The following GET3 variants were observed in gnomAD, a reference collection of about 807,000 sequenced individuals.
The protein encoded by GET3 is guided entry of tail-anchored proteins factor 3, ATPase, also known as ATPase GET3.
GET3 carries 15 observed loss-of-function variants against 32.4 expected under a neutral mutation model. The observed-to-expected ratio is 0.46, with a 90% CI of 0.31 to 0.71. GET3 has a LOEUF of 0.71. Ranked by LOEUF, GET3 falls within the 30% of genes least tolerant of loss-of-function variation. GET3 has a pLI of 0.05. For missense variants in GET3, 333 were observed against 459.0 expected (o/e 0.73, Z 2.51); for synonymous variants, 198 against 185.6 (o/e 1.07, Z -0.54).
rs8177492 is a variant in GET3 at position 12,747,155 on chromosome 19, C to A, written c.610-42C>A. ...TTAGTGAACCCCCAACCCAGGAGGT[C>A]GCCGCAGGTAAGCTATGAGCCCTCC... On this transcript the variant is annotated intron_variant, in intron 4 of 6. Transcript: ENST00000357332. The surrounding 1 kb of genome is among the most constrained non-coding windows in gnomAD (Gnocchi z 4.0). 10,395 of 1,524,330 alleles carry A rather than the reference C, an allele frequency of 6.8e-3. 627 individuals are homozygous for A. The African/African-American group carries it at 0.12, about 18-fold the overall frequency. The allele number at this position is 1,524,330 out of a possible 1,614,324, so 94.4% of individuals were successfully genotyped here.
chr19:12,745,909 G>A lies in GET3; in HGVS notation c.609+150G>A. 3 of 1,171,260 alleles carry A rather than the reference G, an allele frequency of 2.6e-6. No individual in the cohort carries two copies. Among genetic ancestry groups the A allele is most frequent in the Non-Finnish European group, 1.2e-6 (1 of 857,082 alleles). 72.6% of individuals were successfully genotyped at this position (1,171,260 alleles called of 1,614,324 possible). Reference sequence around the variant, plus strand: ...TTCTCCCTGGAGGGGATGGGACGGAGCTGTCTTTCCTCCCCCACAGGCAGG... The same window carrying A: ...TTCTCCCTGGAGGGGATGGGACGGAACTGTCTTTCCTCCCCCACAGGCAGG... On this transcript the variant is annotated intron_variant, in intron 4 of 6. Coordinates refer to ENST00000357332, the MANE Select transcript of GET3 (RefSeq NM_004317.4). The surrounding 1 kb of genome is among the most constrained non-coding windows in gnomAD (Gnocchi z 5.0).
intron 2 of GET3, among the ~76,000 whole-genome samples, chr19:12,743,634 C>CA (rs1967711684): frequency 6.8e-6 from 1 of 147,956 alleles, no homozygotes; most frequent in Non-Finnish European, 1.5e-5. Context: ...ACTAAAAATA[C>CA]AAAAAATTAG....
At position 12,745,678 on chromosome 19, in the gene GET3, G is replaced by A. The variant is rs1213733211; in HGVS notation, c.528G>A (p.Leu176=). The A allele has an allele frequency of 3.1e-6, 5 of 1,612,906 alleles. No homozygotes were observed. The highest frequency in any genetic ancestry group is 2.7e-5 in the African/African-American group (2 of 74,898). The change falls in exon 4 of 7, where the codon CTG becomes CTA. Residue 176 remains leucine, a synonymous_variant. Coordinates refer to ENST00000357332, the MANE Select transcript of GET3 (RefSeq NM_004317.4). This position sits in a 1 kb window ranked among gnomAD's most constrained non-coding sequence, Gnocchi z 5.0. ...CACCCACGGGCCACACCCTGAGGCT[G>A]CTCAACTTCCCCACCATCGTGGAGC... The part of the protein sequence containing the change: ...DTAPTGHTLR[L]LNFPTIVERG...
intron 2 of GET3, among the ~76,000 whole-genome samples, chr19:12,744,244 C>T (rs976499492): frequency 6.7e-6 from 1 of 150,304 alleles, no homozygotes; most frequent in African/African-American, 2.5e-5. Flanking sequence ...AAGAGGGAGG[C>T]ATTGAGTCTG....
intron 2 of GET3, among the ~76,000 whole-genome samples, chr19:12,744,415 G>T (rs1967732464): frequency 6.6e-6 from 1 of 150,984 alleles, no homozygotes; most frequent in South Asian, 2.1e-4. Flanking sequence ...TGCCTCCCGG[G>T]TTCAAGCGAT....
At chr19:12,743,589 C>T (rs1967710628) in intron 2 of GET3, among the ~76,000 whole-genome samples, 1 of 151,086 alleles carries the variant, frequency 6.6e-6, no homozygotes, top group African/African-American at 2.4e-5. Context: ...AGGAGATCGC[C>T]ACCATCCTGG....
chr19:12,738,482 C>T, intron 1 of GET3, 29 bp from the exon 2 acceptor site: 1 of 1,613,018 alleles, frequency 6.2e-7, no homozygotes, highest in Non-Finnish European at 8.5e-7. Context: ...TCCCCTCATC[C>T]CCTATCTTTT....
rs1456839399 is a variant in GET3, at chr19:12,745,627, C to T, written c.477C>T (p.Asn159=). The change falls in exon 4 of 7, where the codon AAC becomes AAT. Residue 159 remains asparagine, a synonymous_variant. Coordinates refer to ENST00000357332, the MANE Select transcript of GET3 (RefSeq NM_004317.4). This position sits in a 1 kb window ranked among gnomAD's most constrained non-coding sequence, Gnocchi z 5.0. ...CCCTCAGGCTGGTGAAGGGCATGAA[C>T]TTCTCGGTGGTGGTATTTGACACGG... ...AEVMRLVKGM[N]FSVVVFDTAP... 1 of 1,612,746 alleles carries T rather than the reference C, an allele frequency of 6.2e-7. No individual in the cohort carries two copies. The highest frequency in any genetic ancestry group is 8.5e-7 in the Non-Finnish European group (1 of 1,179,994).
intron 1 of GET3, among the ~76,000 whole-genome samples, 199 bp downstream of exon 1, chr19:12,737,865 G>C (rs1967602701): frequency 1.3e-5 from 2 of 152,202 alleles, no homozygotes; most frequent in South Asian, 2.1e-4. Context: ...GACCATCCGT[G>C]TTGGGGCTCA....
In GET3 at chr19:12,747,692, T is replaced by G; in HGVS notation, c.915+100T>G. On this transcript the variant is annotated intron_variant, in intron 6 of 6. Coordinates refer to ENST00000357332, the MANE Select transcript of GET3 (RefSeq NM_004317.4). This position sits in a 1 kb window ranked among gnomAD's most constrained non-coding sequence, Gnocchi z 4.0. ...TCTGGCCCTCTGCCCTCTAGCCTCC[T>G]GCCCTTTGCCCCCACATTTCAGATC... 3 of 1,385,600 alleles carry G rather than the reference T, an allele frequency of 2.2e-6. No individual in the cohort carries two copies. Among genetic ancestry groups the G allele is most frequent in the Non-Finnish European group, 2.9e-6 (3 of 1,022,210 alleles). 85.8% of individuals were successfully genotyped at this position (1,385,600 alleles called of 1,614,324 possible). A position where few individuals can be genotyped will look rare whatever the true frequency, so the allele number is the denominator to read the frequency against.
At chr19:12,737,437 T>G (rs950670542), upstream of GET3, 5 of 1,390,628 alleles carry the variant, frequency 3.6e-6, no homozygotes, top group Middle Eastern at 1.9e-4. Context: ...GCTAGGAATG[T>G]GATAGAGAAT....
At chr19:12,742,738 G>A (rs1276170365) in intron 2 of GET3, among the ~76,000 whole-genome samples, 2 of 152,050 alleles carry the variant, frequency 1.3e-5, no homozygotes, top group African/African-American at 2.4e-5. Context: ...GTAGAGACGG[G>A]GTTTCAACAT....
In GET3 at chr19:12,745,060, G is replaced by A. The variant is rs1967743065; in HGVS notation, c.310-317G>A. The stretch of plus-strand genomic sequence containing the variant: ...CATGGCCCAGTCATGGGAGTATCTG[G>A]GGTTGCAAGTGGCAGGTTGCAAGTG... On this transcript the variant is annotated intron_variant, in intron 2 of 6. Coordinates refer to ENST00000357332, the MANE Select transcript of GET3 (RefSeq NM_004317.4). This position sits in a 1 kb window ranked among gnomAD's most constrained non-coding sequence, Gnocchi z 5.0. 6.6e-6 allele frequency among the ~76,000 whole-genome samples: 1 copy of A among 152,074 alleles called. No individual in the cohort carries two copies. The highest frequency in any genetic ancestry group is 6.6e-5 in the Admixed American group (1 of 15,266).
intron 1 of GET3, 52 bp from the exon 2 acceptor site, chr19:12,738,459 G>T: frequency 6.2e-7 from 1 of 1,604,958 alleles, no homozygotes; most frequent in Admixed American, 1.7e-5. Context: ...GCAGACCCAG[G>T]GAACAGAGCC....
Position 12,747,680 on chromosome 19 carries a change from C to T in GET3, c.915+88C>T. ...TTTGCTCCACCATCTGGCCCTCTGCCCTCTAGCCTCCTGCCCTTTGCCCCC... is the reference window on the plus strand; with the variant it reads ...TTTGCTCCACCATCTGGCCCTCTGCTCTCTAGCCTCCTGCCCTTTGCCCCC... On this transcript the variant is annotated intron_variant, in intron 6 of 6. Coordinates refer to ENST00000357332, the MANE Select transcript of GET3 (RefSeq NM_004317.4). This position sits in a 1 kb window ranked among gnomAD's most constrained non-coding sequence, Gnocchi z 4.0. 2 of 1,433,560 alleles carry T rather than the reference C, an allele frequency of 1.4e-6. No individual in the cohort carries two copies. Among genetic ancestry groups the T allele is most frequent in the Non-Finnish European group, 1.9e-6 (2 of 1,058,204 alleles). The allele number at this position is 1,433,560 out of a possible 1,614,324, so 88.8% of individuals were successfully genotyped here. A position where few individuals can be genotyped will look rare whatever the true frequency, so the allele number is the denominator to read the frequency against.
intron 2 of GET3, among the ~76,000 whole-genome samples, chr19:12,743,271 A>G (rs950756654): frequency 1.2e-4 from 18 of 152,082 alleles, no homozygotes; most frequent in African/African-American, 4.1e-4. Context: ...TGAGGTTGGG[A>G]GTTGAAAACC....
chr19:12,740,761 T>A lies in GET3; in HGVS notation c.309+2103T>A, dbSNP rs576772309. On this transcript the variant is annotated intron_variant, in intron 2 of 6. Transcript: ENST00000357332. ...AGGACAGTCCTCAGGTGGGATGAGCTCCATCCAGCATACAGACCCAGAACT... is the reference window on the plus strand; with the variant it reads ...AGGACAGTCCTCAGGTGGGATGAGCACCATCCAGCATACAGACCCAGAACT... Among the ~76,000 whole-genome samples the A allele has an allele frequency of 2.0e-5, 3 of 152,232 alleles. 1 individual carries two copies. The highest frequency in any genetic ancestry group is 2.0e-4 in the Admixed American group (3 of 15,286).
Position 12,747,973 on chromosome 19 carries a change from A to G in GET3, c.916A>G (p.Met306Val). 1 of 1,595,038 alleles carries G rather than the reference A, an allele frequency of 6.3e-7. No individual in the cohort carries two copies. Among genetic ancestry groups the G allele is most frequent in the East Asian group, 2.2e-5 (1 of 44,476 alleles). Reference sequence around the variant, plus strand: ...CTTCTACCCTCTGCCCTGGCTGCAGATGGAGGACCTGTATGAAGACTTCCA... The same window carrying G: ...CTTCTACCCTCTGCCCTGGCTGCAGGTGGAGGACCTGTATGAAGACTTCCA... ...HKIQAKYLDQ[M>V]EDLYEDFHIV... The change falls in exon 7 of 7, where the codon ATG (methionine) becomes GTG (valine). Residue 306 changes from methionine (M) to valine (V), a missense_variant and splice_region_variant. Met to Val is a conservative substitution (Grantham distance 21, BLOSUM62 1). Around this residue, in one of 3 missense-constraint regions of GET3, gnomAD observed 230 missense variants for 389.2 expected, o/e 0.59. Transcript: ENST00000357332. This position sits in a 1 kb window ranked among gnomAD's most constrained non-coding sequence, Gnocchi z 4.0.
rs562717065 is a variant in GET3 at position 12,745,946 on chromosome 19, C to T, written c.609+187C>T. 1.3e-5 allele frequency among the ~76,000 whole-genome samples: 2 copies of T among 152,284 alleles called. No individual in the cohort carries two copies. Among genetic ancestry groups the T allele is most frequent in the South Asian group, 2.1e-4 (1 of 4,820 alleles). ...CCCCCACAGGCAGGACTCAGTGTCC[C>T]TGCCCCTGCCCGCTAAATACCCTAG... is the stretch of plus-strand genomic sequence containing the variant. On this transcript the variant is annotated intron_variant, in intron 4 of 6. Transcript: ENST00000357332. This position sits in a 1 kb window ranked among gnomAD's most constrained non-coding sequence, Gnocchi z 5.0.
Sources: gnomAD v4.1 joint callset for allele counts (sites outside exome capture counted in the v4.1 genomes callset) on GRCh38, gnomAD v4.1.1 for gene constraint, gnomAD v4.1.1 regional missense constraint, Gnocchi (gnomAD v3.1) non-coding constraint, MANE v1.5 for transcripts, NCBI Gene and HGNC (gene_info 2026-07-23, HGNC 2026-07-21) for gene names.